Variants in PCSK5 observed in about 807,000 individuals in gnomAD.
PCSK5 encodes the protein proprotein convertase subtilisin/kexin type 5.
A neutral mutation model predicts 233.2 loss-of-function variants in PCSK5; 129 were observed. The observed-to-expected ratio is 0.55, with a 90% CI of 0.48 to 0.64. The LOEUF (loss-of-function observed/expected upper bound fraction) is 0.64, where lower values mean the gene tolerates loss of function less well. PCSK5 is among the 30% of genes least tolerant of loss of function. The pLI is 0.00. For missense variants in PCSK5, 2,076 were observed against 2,430.1 expected, an observed-to-expected ratio of 0.85 and a Z score of 3.06; for synonymous variants, 825 against 879.2, an observed-to-expected ratio of 0.94 and a Z score of 1.09.
intron 28 of PCSK5, among the ~76,000 whole-genome samples, chr9:76,303,011 A>G (rs1331501425): frequency 1.4e-5 from 2 of 140,790 alleles, no homozygotes; most frequent in African/African-American, 5.4e-5. Flanking sequence ...AGAATTTCCA[A>G]AGTTGGAAAA....
Position 76,290,263 on chromosome 9 carries a change from C to A in PCSK5, c.3143-1970C>A, listed in dbSNP as rs184974268. On this transcript the variant is annotated intron_variant, in intron 24 of 37. Transcript: ENST00000674117. ...TCACTGGGGCCTCTGCTGGCCCTTA[C>A]AATGGGTTCAGATCCCCAGCCTATG... Among the ~76,000 whole-genome samples, 1,034 of 152,316 alleles carry A rather than the reference C, an allele frequency of 6.8e-3. 6 individuals are homozygous for A. The highest frequency in any genetic ancestry group is 9.9e-3 in the Admixed American group (151 of 15,300).
intron 24 of PCSK5, among the ~76,000 whole-genome samples, chr9:76,256,937 TA>T (rs1425337286): frequency 2.0e-5 from 3 of 152,230 alleles, no homozygotes; most frequent in South Asian, 4.1e-4. Context: ...TACCTCCTAA[TA>T]GGTCCCTAGA....
intron 22 of PCSK5, among the ~76,000 whole-genome samples, chr9:76,236,177 G>A (rs977175391): frequency 4.6e-5 from 7 of 152,128 alleles, no homozygotes; most frequent in African/African-American, 1.7e-4. Flanking sequence ...AGCAAAATGT[G>A]GTAGTCAACT....
intron 35 of PCSK5, among the ~76,000 whole-genome samples, chr9:76,344,726 TCTGATAAAATA>T (rs1051573596): frequency 1.3e-5 from 2 of 152,192 alleles, no homozygotes; most frequent in African/African-American, 4.8e-5. Context: ...ACTAGGGTTG[TCTGATAAAATA>T]CTGTATTTGA....
chr9:76,047,224 G>A (rs1427989050), intron 5 of PCSK5, among the ~76,000 whole-genome samples: 1 of 151,934 alleles, frequency 6.6e-6, no homozygotes, highest in Non-Finnish European at 1.5e-5. Flanking sequence ...AGCCTCCCGA[G>A]TAGCTGGGAC....
In PCSK5 at chr9:76,173,496, CTTTTTTTTTTTTTTTTT is replaced by C. The variant is rs59248860; in HGVS notation, c.1757-1470_1757-1454del. On this transcript the variant is annotated intron_variant, in intron 13 of 37. Coordinates refer to ENST00000674117, the MANE Select transcript of PCSK5 (RefSeq NM_001372043.1). ...CTTTAATGAAATGGAGGCACGTTTC[CTTTTTTTTTTTTTTTTT>C]TTTTTTTTTTTTTTTTTTTACTTTT... 6.7e-4 allele frequency among the ~76,000 whole-genome samples: 41 copies of C among 61,012 alleles called. 1 individual carries two copies. The East Asian group carries it at 8.4e-3, about 13-fold the overall frequency. The allele number at this position is 61,012 out of a possible 152,430, so 40.0% of individuals were successfully genotyped here. A position where few individuals can be genotyped will look rare whatever the true frequency, so the allele number is the denominator to read the frequency against.
chr9:76,270,941 GTTTACTC>G (rs1394941133), intron 24 of PCSK5, among the ~76,000 whole-genome samples: 1 of 152,132 alleles, frequency 6.6e-6, no homozygotes, highest in Non-Finnish European at 1.5e-5. Flanking sequence ...TTGGGGCTCA[GTTTACTC>G]ACCCCTAAAA....
chr9:76,120,183 A>G (rs1185169308), intron 9 of PCSK5, among the ~76,000 whole-genome samples: 4 of 152,092 alleles, frequency 2.6e-5, no homozygotes, highest in South Asian at 2.1e-4. Flanking sequence ...TAAGTAATCT[A>G]TCTCCTCCAA....
chr9:76,032,906 G>GT (rs1828708459), intron 5 of PCSK5, among the ~76,000 whole-genome samples: 1 of 152,188 alleles, frequency 6.6e-6, no homozygotes, highest in South Asian at 2.1e-4. Context: ...CGAGCGGTAT[G>GT]TGGGCCCAGA....
intron 9 of PCSK5, among the ~76,000 whole-genome samples, chr9:76,121,470 CT>C (rs1381722433): frequency 2.0e-5 from 3 of 152,110 alleles, no homozygotes; most frequent in African/African-American, 7.2e-5. Context: ...CAGCAGCTAG[CT>C]AACATTAGTT....
rs111281452 is a variant in PCSK5, at chr9:76,133,658, G to A, written c.1209-451G>A. ...TGCATAGAAGGTTAAACATTGCTAC[G>A]TTCTTCTGGTAAATTGCAGCTCACT... On this transcript the variant is annotated intron_variant, in intron 9 of 37. Transcript: ENST00000674117. Among the ~76,000 whole-genome samples the A allele has an allele frequency of 2.9e-3, 440 of 152,062 alleles. 4 individuals are homozygous for A. The highest frequency in any genetic ancestry group is 0.017 in the Middle Eastern group (5 of 294).
intron 8 of PCSK5, 117 bp downstream of exon 8, chr9:76,096,219 G>A: frequency 3.4e-6 from 2 of 593,530 alleles, no homozygotes; most frequent in Non-Finnish European, 5.7e-6. Context: ...ACACACAGAA[G>A]TAATATATGG....
intron 7 of PCSK5, among the ~76,000 whole-genome samples, chr9:76,079,168 A>C (rs1285610020): frequency 6.6e-6 from 1 of 151,226 alleles, no homozygotes; most frequent in Admixed American, 6.6e-5. Context: ...GGCGTGCGTG[A>C]TCTTGGCTCA....
At chr9:76,292,425 A>G (rs902246187) in intron 25 of PCSK5, 150 bp downstream of exon 25, 7 of 626,770 alleles carry the variant, frequency 1.1e-5, no homozygotes, top group East Asian at 1.0e-4. Flanking sequence ...TCTTGGATTT[A>G]GCAATAAGAG....
chr9:75,998,967 C>T (rs992805466), intron 3 of PCSK5, among the ~76,000 whole-genome samples: 4 of 152,028 alleles, frequency 2.6e-5, no homozygotes, highest in Admixed American at 2.0e-4. Flanking sequence ...TCAAATTTCC[C>T]GATCTAAAAA....
intron 32 of PCSK5, among the ~76,000 whole-genome samples, chr9:76,324,177 C>T (rs1228841951): frequency 1.3e-5 from 2 of 151,224 alleles, no homozygotes; most frequent in Non-Finnish European, 2.9e-5. Context: ...CCACCTGCCT[C>T]GCCCTTCCAA....
At chr9:76,069,432 A>G (rs901267314) in intron 6 of PCSK5, among the ~76,000 whole-genome samples, 3 of 145,680 alleles carry the variant, frequency 2.1e-5, no homozygotes. Context: ...AGATAAACCA[A>G]TGACCTAGCT....
Position 76,000,936 on chromosome 9 carries a change from A to G in PCSK5, c.411+14691A>G, listed in dbSNP as rs1376546207. 3.3e-5 allele frequency among the ~76,000 whole-genome samples: 5 copies of G among 150,656 alleles called. No individual in the cohort carries two copies. The South Asian group carries it at 6.3e-4, about 19-fold the overall frequency. ...TTGTTCCTTTTTTTTTTTTAAACTC[A>G]TATTTAGAGACCACAATATGAGTGT... On this transcript the variant is annotated intron_variant, in intron 3 of 37. Transcript: ENST00000674117.
At chr9:76,254,752 T>C (rs1826924443) in intron 24 of PCSK5, among the ~76,000 whole-genome samples, 2 of 152,242 alleles carry the variant, frequency 1.3e-5, no homozygotes, top group Admixed American at 1.3e-4. Flanking sequence ...CTCTCAGTTT[T>C]TGAGTTAGAT....
Sources: gnomAD v4.1 joint callset for allele counts (sites outside exome capture counted in the v4.1 genomes callset) on GRCh38, gnomAD v4.1.1 for gene constraint, MANE v1.5 for transcripts, NCBI Gene and HGNC (gene_info 2026-07-23, HGNC 2026-07-21) for gene names.